CHRNA2: variants seen among roughly 807,000 people sequenced by gnomAD.
The protein encoded by CHRNA2 is cholinergic receptor nicotinic alpha 2 subunit, also known as neuronal acetylcholine receptor subunit alpha-2.
A neutral mutation model predicts 45.5 loss-of-function variants in CHRNA2; 40 were observed. That is an observed-to-expected ratio of 0.88 (90% confidence interval 0.68 to 1.15). The LOEUF (loss-of-function observed/expected upper bound fraction) is 1.15. Among genes scored for constraint, CHRNA2 ranks in the 50% most tolerant of loss-of-function variants. CHRNA2 has a pLI of 0.00. For synonymous variants in CHRNA2, 301 were observed against 296.7 expected (o/e 1.01, Z -0.15); for missense variants, 655 against 701.7 (o/e 0.93, Z 0.75).
intron 2 of CHRNA2, among the ~76,000 whole-genome samples, chr8:27,470,551 G>A (rs907997832): frequency 1.3e-5 from 2 of 152,226 alleles, no homozygotes; most frequent in African/African-American, 4.8e-5. Flanking sequence ...TTTTCACTGT[G>A]TTCAGCAAAC....
At position 27,469,874 on chromosome 8, in the gene CHRNA2, G is replaced by C; in HGVS notation, c.181C>G (p.Arg61Gly). ...CCCCGGAAGAGGTGTTTGAAGAGCC[G>C]GTCCTCAGTCTCGGTATGCGAGCCT... ...QGGSHTETED[R>G]LFKHLFRGYN... The change falls in exon 3 of 7, where the codon CGG (arginine) becomes GGG (glycine). Residue 61 changes from arginine (R) to glycine (G), a missense_variant. By Grantham distance (125) the Arg-to-Gly change is moderately radical. This residue lies in a region of CHRNA2 where 323 missense variants were observed against 354.4 expected (regional missense o/e 0.91). Transcript: ENST00000407991. 3 of 1,614,166 alleles carry C rather than the reference G, an allele frequency of 1.9e-6. No individual in the cohort carries two copies. The highest frequency in any genetic ancestry group is 2.2e-5 in the East Asian group (1 of 44,870).
Position 27,463,818 on chromosome 8 carries a change from C to T in CHRNA2, c.625G>A (p.Ala209Thr), listed in dbSNP as rs1812609243. 1.2e-6 allele frequency: 2 copies of T among 1,614,070 alleles called. No homozygotes were observed. The highest frequency in any genetic ancestry group is 2.7e-5 in the African/African-American group (2 of 74,918). Residue 209 changes from alanine (A) to threonine (T), a missense_variant, in exon 6 of 7, where the codon GCC becomes ACC. Around this residue, in one of 3 missense-constraint regions of CHRNA2, gnomAD observed 323 missense variants for 354.4 expected, o/e 0.91. Coordinates refer to ENST00000407991, the MANE Select transcript of CHRNA2 (RefSeq NM_000742.4). The surrounding 1 kb of genome is among the most constrained non-coding windows in gnomAD (Gnocchi z 6.1). ...TCCATCTGCTCCAGGTCGATCTTGG[C>T]CTTGTCATAAGTCCAGGAGCCAAAC... Reference protein sequence around the residue: ...MKFGSWTYDKAKIDLEQMEQT... With the variant: ...MKFGSWTYDKTKIDLEQMEQT...
intron 1 of CHRNA2, among the ~76,000 whole-genome samples, chr8:27,475,859 G>A (rs1813044670): frequency 6.6e-6 from 1 of 152,138 alleles, no homozygotes; most frequent in South Asian, 2.1e-4. Flanking sequence ...TTCCTGTCGT[G>A]AGGTCACTCC....
intron 1 of CHRNA2, among the ~76,000 whole-genome samples, chr8:27,473,529 C>CCA (rs1554516130): frequency 8.1e-6 from 1 of 123,328 alleles, no homozygotes; most frequent in Non-Finnish European, 1.8e-5. Flanking sequence ...GTGAGACCCC[C>CCA]CCCGCCGTCT....
At chr8:27,478,240 C>T (rs1202599893) in intron 1 of CHRNA2, among the ~76,000 whole-genome samples, 1 of 152,168 alleles carries the variant, frequency 6.6e-6, no homozygotes, top group East Asian at 1.9e-4. Context: ...CAAATAAATG[C>T]ACTCAAGGTG....
At chr8:27,477,452 A>G (rs2741339) in intron 1 of CHRNA2, among the ~76,000 whole-genome samples, 60,916 of 152,010 alleles carry the variant, frequency 0.4, 14,973 homozygotes, top group African/African-American at 0.7. Flanking sequence ...TAGGAATCCA[A>G]GCATGCTAAC....
intron 5 of CHRNA2, among the ~76,000 whole-genome samples, chr8:27,465,006 G>A (rs1812653958): frequency 6.6e-6 from 1 of 152,178 alleles, no homozygotes; most frequent in Non-Finnish European, 1.5e-5. Flanking sequence ...CAGGGTCATC[G>A]ATAAGCCTGC....
At chr8:27,466,949 T>C (rs1294910107) in intron 5 of CHRNA2, among the ~76,000 whole-genome samples, 2 of 152,162 alleles carry the variant, frequency 1.3e-5, no homozygotes, top group African/African-American at 4.8e-5. Flanking sequence ...CTGCACCAAA[T>C]TTTTCAAAGA....
chr8:27,473,767 T>C (rs1812974448), intron 1 of CHRNA2, among the ~76,000 whole-genome samples: 1 of 152,180 alleles, frequency 6.6e-6, no homozygotes, highest in South Asian at 2.1e-4. Flanking sequence ...TTATTATTCA[T>C]GAAGTTGTGA....
chr8:27,467,115 C>T, intron 5 of CHRNA2, 114 bp downstream of exon 5: 1 of 748,758 alleles, frequency 1.3e-6, no homozygotes, highest in South Asian at 1.4e-5. Context: ...CTCAGCACAG[C>T]AGTCGAGAAG....
Position 27,461,278 on chromosome 8 carries a change from C to G in CHRNA2, c.*351G>C, listed in dbSNP as rs1414965016. 1 of 304,746 alleles carries G rather than the reference C, an allele frequency of 3.3e-6. No homozygotes were observed. The highest frequency in any genetic ancestry group is 6.4e-6 in the Non-Finnish European group (1 of 156,904). 18.9% of individuals were successfully genotyped at this position (304,746 alleles called of 1,614,324 possible). A position where few individuals can be genotyped will look rare whatever the true frequency, so the allele number is the denominator to read the frequency against. On this transcript the variant is annotated 3_prime_UTR_variant, in exon 7 of 7. Coordinates refer to ENST00000407991, the MANE Select transcript of CHRNA2 (RefSeq NM_000742.4). ...CTCCTTTGAGGTCTGCATTCCCTTC[C>G]TCGTCACCCTGGCCCCACTGTCCCC...
At chr8:27,477,042 T>C (rs1156571295) in intron 1 of CHRNA2, 2 of 150,696 alleles carry the variant, frequency 1.3e-5, no homozygotes, top group Non-Finnish European at 3.0e-5. Context: ...CAAAGCCATA[T>C]AGATAAAAAG....
At chr8:27,475,541 AG>A in intron 1 of CHRNA2, 2 of 153,710 alleles carry the variant, frequency 1.3e-5, no homozygotes, top group Non-Finnish European at 1.4e-5. Context: ...GCCAGGAGCT[AG>A]GGGGAGGGGA....
Position 27,461,474 on chromosome 8 carries a change from A to T in CHRNA2, c.*155T>A. On this transcript the variant is annotated 3_prime_UTR_variant, in exon 7 of 7. Coordinates refer to ENST00000407991, the MANE Select transcript of CHRNA2 (RefSeq NM_000742.4). ...CTGTCAGCCCTGGTACAATAACGTTAAGCTGGATGGAAGCCTGCAATCCCT... is the reference window on the plus strand; with the variant it reads ...CTGTCAGCCCTGGTACAATAACGTTTAGCTGGATGGAAGCCTGCAATCCCT... 9.5e-7 allele frequency: 1 copy of T among 1,055,830 alleles called. No homozygotes were observed. The highest frequency in any genetic ancestry group is 1.4e-6 in the Non-Finnish European group (1 of 724,422). 65.4% of individuals were successfully genotyped at this position (1,055,830 alleles called of 1,614,324 possible). A position where few individuals can be genotyped will look rare whatever the true frequency, so the allele number is the denominator to read the frequency against.
Position 27,463,182 on chromosome 8 carries a change from C to G in CHRNA2, c.1261G>C (p.Asp421His), listed in dbSNP as rs1812559952. ...EEREVVVEEEDRWACAGHVAP... is the reference protein window; with the variant it reads ...EEREVVVEEEHRWACAGHVAP... ...ACATGACCTGCACATGCCCATCTGT[C>G]CTCCTCCTCCACCACCACCTCCCTC... is the stretch of plus-strand genomic sequence containing the variant. Residue 421 changes from aspartate to histidine, a missense_variant, in exon 6 of 7, where the codon GAC (aspartate) becomes CAC (histidine). By Grantham distance (81) the Asp-to-His change is moderately conservative. Transcript: ENST00000407991. This position sits in a 1 kb window ranked among gnomAD's most constrained non-coding sequence, Gnocchi z 6.1. The G allele has an allele frequency of 1.3e-6, 2 of 1,592,616 alleles. No homozygotes were observed. The highest frequency in any genetic ancestry group is 1.7e-5 in the Admixed American group (1 of 59,242).
rs1158249648 is a variant in CHRNA2 at position 27,460,204 on chromosome 8, AC to A, written c.*1424del. ...CACATCTGTTAGCTGCCAATGTCCC[AC>A]CCTCCAGTCTGGACAGAGTTGGGGG... On this transcript the variant is annotated 3_prime_UTR_variant, in exon 7 of 7. Transcript: ENST00000407991. 2.0e-5 allele frequency: 3 copies of A among 151,960 alleles called. No homozygotes were observed. Among genetic ancestry groups the A allele is most frequent in the Non-Finnish European group, 4.4e-5 (3 of 68,014 alleles). 9.4% of individuals were successfully genotyped at this position (151,960 alleles called of 1,614,324 possible). A position where few individuals can be genotyped will look rare whatever the true frequency, so the allele number is the denominator to read the frequency against.
chr8:27,461,412 T>A lies in CHRNA2; in HGVS notation c.*217A>T. 1 of 627,160 alleles carries A rather than the reference T, an allele frequency of 1.6e-6. No homozygotes were observed. The highest frequency in any genetic ancestry group is 2.7e-6 in the Non-Finnish European group (1 of 368,752). 38.8% of individuals were successfully genotyped at this position (627,160 alleles called of 1,614,324 possible). Reference sequence around the variant, plus strand: ...CGACCTTCTGCAGAGCTTCCCCAGCTCCTCCGTATCCAAAACAGGGCTTTG... The same window carrying A: ...CGACCTTCTGCAGAGCTTCCCCAGCACCTCCGTATCCAAAACAGGGCTTTG... On this transcript the variant is annotated 3_prime_UTR_variant, in exon 7 of 7. Coordinates refer to ENST00000407991, the MANE Select transcript of CHRNA2 (RefSeq NM_000742.4).
chr8:27,464,581 T>C (rs955006561), intron 5 of CHRNA2, among the ~76,000 whole-genome samples: 2 of 152,032 alleles, frequency 1.3e-5, no homozygotes, highest in Non-Finnish European at 2.9e-5. Flanking sequence ...TGGGTGGGGA[T>C]GACATCACAG....
At chr8:27,473,181 T>C (rs1285080720) in intron 1 of CHRNA2, among the ~76,000 whole-genome samples, 1 of 152,164 alleles carries the variant, frequency 6.6e-6, no homozygotes, top group African/African-American at 2.4e-5. Context: ...TGGCCTCATG[T>C]TCCGGGACAC....
Sources: allele counts gnomAD v4.1 joint callset (sites outside exome capture counted in the v4.1 genomes callset), GRCh38; gene constraint gnomAD v4.1.1; regional missense constraint gnomAD v4.1.1; non-coding constraint Gnocchi (gnomAD v3.1); transcripts MANE v1.5; gene names NCBI Gene and HGNC (gene_info 2026-07-23, HGNC 2026-07-21).